The following GPT2 variants were observed in gnomAD, a reference collection of about 807,000 sequenced individuals.
GPT2 encodes the protein glutamic--pyruvic transaminase 2.
In GPT2, 30 loss-of-function variants were observed where a neutral mutation model predicts 56.9. That is an observed-to-expected ratio of 0.53 (90% CI 0.39 to 0.72). The LOEUF (loss-of-function observed/expected upper bound fraction) is 0.72. GPT2 is among the 30% of genes least tolerant of loss of function. The pLI, the probability that GPT2 is intolerant of heterozygous loss-of-function variation, is 0.00. For missense variants in GPT2, 542 were observed against 703.4 expected, an observed-to-expected ratio of 0.77 and a Z score of 2.60; for synonymous variants, 271 against 283.1, an observed-to-expected ratio of 0.96 and a Z score of 0.43.
chr16:46,928,968 C>T lies in GPT2; in HGVS notation c.1543C>T (p.His515Tyr), dbSNP rs1355931072. Residue 515 changes from histidine to tyrosine, a missense_variant, in exon 12 of 12, where the codon CAC becomes TAC. Coordinates refer to ENST00000340124, the MANE Select transcript of GPT2 (RefSeq NM_133443.4). ...KTVLQKVKDF[H>Y]INFLEKYA is the part of the protein sequence containing the mutation. Reference sequence around the variant, plus strand: ...GGTGCTGCAGAAGGTGAAAGACTTCCACATCAACTTCCTGGAGAAGTACGC... The same window carrying T: ...GGTGCTGCAGAAGGTGAAAGACTTCTACATCAACTTCCTGGAGAAGTACGC... The T allele has an allele frequency of 6.2e-7, 1 of 1,614,170 alleles. No individual in the cohort carries two copies. The highest frequency in any genetic ancestry group is 8.5e-7 in the Non-Finnish European group (1 of 1,179,988).
At chr16:46,923,284 A>G (rs1289644504) in intron 9 of GPT2, among the ~76,000 whole-genome samples, 2 of 152,164 alleles carry the variant, frequency 1.3e-5, no homozygotes, top group Non-Finnish European at 2.9e-5. Flanking sequence ...CAACATGGTC[A>G]AACCTCATCT....
chr16:46,922,199 C>A lies in GPT2; in HGVS notation c.1038-43C>A, dbSNP rs1273099437. 10 of 1,594,652 alleles carry A rather than the reference C, an allele frequency of 6.3e-6. No homozygotes were observed. In the African/African-American group the frequency reaches 6.7e-5, roughly 11 times the overall value. On this transcript the variant is annotated intron_variant, in intron 8 of 11. Coordinates refer to ENST00000340124, the MANE Select transcript of GPT2 (RefSeq NM_133443.4). ...TGTCCAAATGGCACTTTGTTGAGGT[C>A]TTTCTATAACTGGTGGTCCTCTCCC...
intron 10 of GPT2, 26 bp downstream of exon 10, chr16:46,924,570 C>T (rs763108437): frequency 1.9e-6 from 3 of 1,611,530 alleles, no homozygotes; most frequent in Middle Eastern, 3.3e-4. Flanking sequence ...TGGGCTGGCT[C>T]TCTCTTACCA....
intron 2 of GPT2, among the ~76,000 whole-genome samples, chr16:46,895,125 A>G (rs1285190981): frequency 6.6e-6 from 1 of 152,076 alleles, no homozygotes; most frequent in East Asian, 1.9e-4. Flanking sequence ...TCAGTCCCCC[A>G]TGCCTCCTTG....
At chr16:46,925,155 C>T (rs1019650136) in intron 10 of GPT2, among the ~76,000 whole-genome samples, 2 of 152,086 alleles carry the variant, frequency 1.3e-5, no homozygotes, top group African/African-American at 4.8e-5. Flanking sequence ...TCAAGGGAAC[C>T]TCCCATTTCA....
Position 46,884,806 on chromosome 16 carries a change from G to C in GPT2, c.91G>C (p.Ala31Pro). 2 of 1,523,002 alleles carry C rather than the reference G, an allele frequency of 1.3e-6. No homozygotes were observed. The highest frequency in any genetic ancestry group is 1.8e-6 in the Non-Finnish European group (2 of 1,135,372). 94.3% of individuals were successfully genotyped at this position (1,523,002 alleles called of 1,614,324 possible). The change falls in exon 2 of 12, where the codon GCC becomes CCC. Residue 31 changes from alanine to proline, a missense_variant. Physicochemically the swap from Ala to Pro is conservative, Grantham distance 27. Coordinates refer to ENST00000340124, the MANE Select transcript of GPT2 (RefSeq NM_133443.4). The part of the protein sequence containing the change: ...GRSQSSAAAE[A>P]SAVLKVRPER... ...CAGCCAGAGCAGCGCGGCCGCCGAG[G>C]CCTCGGCGGTGCTCAAGGTGCGGCC...
rs114138553 is a variant in GPT2 at position 46,905,082 on chromosome 16, C to T, written c.443-1760C>T. Among the ~76,000 whole-genome samples the T allele has an allele frequency of 2.8e-3, 416 of 150,120 alleles. 1 individual carries two copies. The highest frequency in any genetic ancestry group is 9.6e-3 in the African/African-American group (391 of 40,812). On this transcript the variant is annotated intron_variant, in intron 4 of 11. Coordinates refer to ENST00000340124, the MANE Select transcript of GPT2 (RefSeq NM_133443.4). ...GGCTTTTTTTTTTTTTTTTAAAGAC[C>T]GTCTCAATCTGTCGCCCAGGCTGGA...
At chr16:46,924,911 G>C (rs1470262928) in intron 10 of GPT2, among the ~76,000 whole-genome samples, 1 of 151,864 alleles carries the variant, frequency 6.6e-6, no homozygotes, top group Non-Finnish European at 1.5e-5. Flanking sequence ...TGTGTGCACC[G>C]ATCACCTAGG....
Position 46,929,081 on chromosome 16 carries a change from TG to T in GPT2, c.*85del. 1 of 1,073,964 alleles carries T rather than the reference TG, an allele frequency of 9.3e-7. No individual in the cohort carries two copies. The highest frequency in any genetic ancestry group is 1.4e-6 in the Non-Finnish European group (1 of 695,362). 66.5% of individuals were successfully genotyped at this position (1,073,964 alleles called of 1,614,324 possible). A position where few individuals can be genotyped will look rare whatever the true frequency, so the allele number is the denominator to read the frequency against. ...GCTGAACTCGCCTCCCCCGTGACTC[TG>T]CCTCGGGCCTCGCAGAGGCCGCTGG... On this transcript the variant is annotated 3_prime_UTR_variant, in exon 12 of 12. Transcript: ENST00000340124.
chr16:46,902,434 C>A (rs1164101561), intron 4 of GPT2, among the ~76,000 whole-genome samples: 1 of 152,114 alleles, frequency 6.6e-6, no homozygotes, highest in Non-Finnish European at 1.5e-5. Flanking sequence ...TTCCAGGGGG[C>A]AGGACAGTGT....
chr16:46,929,073 C>A lies in GPT2; in HGVS notation c.*76C>A. On this transcript the variant is annotated 3_prime_UTR_variant, in exon 12 of 12. Transcript: ENST00000340124. ...CCCGTCAGGCTGAACTCGCCTCCCC[C>A]GTGACTCTGCCTCGGGCCTCGCAGA... 2 of 1,167,978 alleles carry A rather than the reference C, an allele frequency of 1.7e-6. No individual in the cohort carries two copies. Among genetic ancestry groups the A allele is most frequent in the Non-Finnish European group, 1.3e-6 (1 of 778,646 alleles). 72.4% of individuals were successfully genotyped at this position (1,167,978 alleles called of 1,614,324 possible).
chr16:46,897,682 C>T lies in GPT2; in HGVS notation c.278C>T (p.Ala93Val), dbSNP rs751496105. ...IKKPFTEVIR[A>V]NIGDAQAMGQ... Reference sequence around the variant, plus strand: ...AAGCCATTCACAGAGGTCATCCGAGCCAACATCGGGGACGCCCAGGCTATG... The same window carrying T: ...AAGCCATTCACAGAGGTCATCCGAGTCAACATCGGGGACGCCCAGGCTATG... The change falls in exon 3 of 12, where the codon GCC (alanine) becomes GTC (valine). Residue 93 changes from alanine to valine, a missense_variant. Transcript: ENST00000340124. 3 of 1,614,122 alleles carry T rather than the reference C, an allele frequency of 1.9e-6. No homozygotes were observed. Among genetic ancestry groups the T allele is most frequent in the Non-Finnish European group, 2.5e-6 (3 of 1,179,956 alleles).
At chr16:46,910,098 A>C (rs1056357914) in intron 6 of GPT2, among the ~76,000 whole-genome samples, 171 bp downstream of exon 6, 1 of 152,174 alleles carries the variant, frequency 6.6e-6, no homozygotes, top group Non-Finnish European at 1.5e-5. Context: ...AGAGGTGAGT[A>C]GGCCAGGTGC....
chr16:46,894,217 C>CACGGGAAAGGA, intron 2 of GPT2, among the ~76,000 whole-genome samples: 1 of 152,196 alleles, frequency 6.6e-6, no homozygotes, highest in Non-Finnish European at 1.5e-5. Flanking sequence ...GGGGGGAGGG[C>CACGGGAAAGGA]ACGGGAAAGG....
intron 11 of GPT2, among the ~76,000 whole-genome samples, chr16:46,928,580 C>T (rs1416442449): frequency 6.7e-6 from 1 of 149,572 alleles, no homozygotes; most frequent in East Asian, 2.0e-4. Context: ...CGCGCAATTG[C>T]ACTCCAGCCT....
intron 3 of GPT2, among the ~76,000 whole-genome samples, chr16:46,899,025 ATATATATATAT>A (rs1567335278): frequency 1.0e-3 from 5 of 4,898 alleles, no homozygotes; most frequent in Non-Finnish European, 1.9e-3. Context: ...ATATATATAT[ATATATATATAT>A]TTTTTTTTTT....
chr16:46,885,292 A>C, intron 2 of GPT2: 1 of 1,026,786 alleles, frequency 9.7e-7, no homozygotes, highest in African/African-American at 1.7e-5. Flanking sequence ...CGAATGAAGA[A>C]AGAAGCAATA....
intron 2 of GPT2, among the ~76,000 whole-genome samples, chr16:46,896,704 T>A (rs908097852): frequency 3.3e-5 from 5 of 152,188 alleles, no homozygotes; most frequent in Non-Finnish European, 7.4e-5. Flanking sequence ...CCCACACATC[T>A]GGCCCGGAGC....
intron 2 of GPT2, chr16:46,885,644 G>A (rs1325367702): frequency 1.7e-6 from 1 of 592,980 alleles, no homozygotes; most frequent in Non-Finnish European, 2.1e-6. Flanking sequence ...CTTCATCTTG[G>A]TGGTCGGCCG....
Sources: gnomAD v4.1 joint callset for allele counts (sites outside exome capture counted in the v4.1 genomes callset) on GRCh38, gnomAD v4.1.1 for gene constraint, MANE v1.5 for transcripts, NCBI Gene and HGNC (gene_info 2026-07-23, HGNC 2026-07-21) for gene names.